Variants in DDAH1 observed in about 807,000 individuals in gnomAD.
DDAH1 encodes dimethylarginine dimethylaminohydrolase 1, also known as N(G),N(G)-dimethylarginine dimethylaminohydrolase 1.
DDAH1 carries 19 observed loss-of-function variants against 28.8 expected under a neutral mutation model. The observed-to-expected ratio is 0.66, with a 90% CI of 0.46 to 0.97. The LOEUF is 0.97. Ranked by LOEUF, DDAH1 falls within the 50% of genes least tolerant of loss-of-function variation. The pLI, the probability that DDAH1 is intolerant of heterozygous loss-of-function variation, is 0.00. For missense variants in DDAH1, 326 were observed against 375.9 expected (o/e 0.87, Z 1.10); for synonymous variants, 153 against 154.4 (o/e 0.99, Z 0.07).
chr1:85,496,321 G>A (rs1224874442), intron 1 of DDAH1: 2 of 449,934 alleles, frequency 4.4e-6, no homozygotes, highest in Non-Finnish European at 5.9e-6. Context: ...GAGGGGAAAG[G>A]CATTTTAATA....
At chr1:85,554,589 C>T (rs1658907242) in intron 1 of DDAH1, among the ~76,000 whole-genome samples, 1 of 152,150 alleles carries the variant, frequency 6.6e-6, no homozygotes, top group African/African-American at 2.4e-5. Flanking sequence ...AGAATAAAGT[C>T]AAGGATTTAT....
At chr1:85,413,522 C>A (rs989992710) in intron 1 of DDAH1, among the ~76,000 whole-genome samples, 3 of 152,208 alleles carry the variant, frequency 2.0e-5, no homozygotes, top group African/African-American at 7.2e-5. Context: ...AAATGTGGCA[C>A]TTCCTTCTCC....
chr1:85,528,875 G>A (rs1273095006), intron 1 of DDAH1, among the ~76,000 whole-genome samples: 1 of 151,220 alleles, frequency 6.6e-6, no homozygotes, highest in Admixed American at 6.6e-5. Flanking sequence ...TCAAGAGGCC[G>A]AGGCAGGAGA....
chr1:85,520,779 A>G (rs61785209), intron 1 of DDAH1, among the ~76,000 whole-genome samples: 2 of 152,242 alleles, frequency 1.3e-5, no homozygotes, highest in African/African-American at 4.8e-5. Context: ...TCCTTCTGAA[A>G]TTCTGAAGAG....
At chr1:85,366,023 A>G (rs968851909) in intron 1 of DDAH1, among the ~76,000 whole-genome samples, 9 of 152,066 alleles carry the variant, frequency 5.9e-5, no homozygotes, top group Non-Finnish European at 1.3e-4. Context: ...GTAAACATCC[A>G]TGTTGTGAAT....
chr1:85,548,237 A>C (rs1213783496), intron 1 of DDAH1, among the ~76,000 whole-genome samples: 1 of 152,190 alleles, frequency 6.6e-6, no homozygotes, highest in African/African-American at 2.4e-5. Flanking sequence ...AACATTATTG[A>C]ACATTTACAG....
At chr1:85,413,721 G>A (rs900746047) in intron 1 of DDAH1, among the ~76,000 whole-genome samples, 3 of 152,052 alleles carry the variant, frequency 2.0e-5, no homozygotes, top group East Asian at 1.9e-4. Context: ...AAAAACAATC[G>A]AAGTCAAGCC....
chr1:85,377,904 C>A (rs1187082045), intron 1 of DDAH1, among the ~76,000 whole-genome samples: 1 of 152,088 alleles, frequency 6.6e-6, no homozygotes, highest in Admixed American at 6.6e-5. Flanking sequence ...TGTATTTGAT[C>A]TCTAATTTCT....
intron 4 of DDAH1, among the ~76,000 whole-genome samples, chr1:85,330,964 G>A (rs1404503922): frequency 1.3e-5 from 2 of 152,162 alleles, no homozygotes; most frequent in Admixed American, 6.5e-5. Context: ...ACTCCTTAAC[G>A]AAGAAGGCAC....
intron 1 of DDAH1, among the ~76,000 whole-genome samples, chr1:85,397,981 A>G (rs147201024): frequency 7.0e-4 from 94 of 134,592 alleles, no homozygotes; most frequent in African/African-American, 2.6e-3. Flanking sequence ...CTGTAAGCCA[A>G]ATAAACCTCT....
At chr1:85,456,365 T>C (rs1417777837) in intron 1 of DDAH1, among the ~76,000 whole-genome samples, 11 of 152,272 alleles carry the variant, frequency 7.2e-5, no homozygotes, top group Admixed American at 5.9e-4. Context: ...ACATGGGTAA[T>C]GTACAGATGG....
At chr1:85,410,315 A>C (rs994175868) in intron 1 of DDAH1, among the ~76,000 whole-genome samples, 1 of 151,830 alleles carries the variant, frequency 6.6e-6, no homozygotes, top group African/African-American at 2.4e-5. Context: ...AAATTTCCTT[A>C]AAATGTAATA....
At chr1:85,343,113 A>G (rs746948521) in intron 4 of DDAH1, among the ~76,000 whole-genome samples, 14 of 152,204 alleles carry the variant, frequency 9.2e-5, no homozygotes, top group Non-Finnish European at 1.6e-4. Flanking sequence ...TTGATGGTCT[A>G]GTATATACTG....
chr1:85,427,828 T>C (rs1291746722), intron 1 of DDAH1, among the ~76,000 whole-genome samples: 4 of 151,984 alleles, frequency 2.6e-5, no homozygotes, highest in Admixed American at 2.0e-4. Context: ...AAACATGTTA[T>C]GTGTTTCCTA....
intron 1 of DDAH1, among the ~76,000 whole-genome samples, chr1:85,566,956 C>T (rs1383508214): frequency 3.9e-5 from 6 of 152,138 alleles, no homozygotes; most frequent in Admixed American, 3.9e-4. Context: ...AGGCTTGAAA[C>T]CTATGAAGAA....
At chr1:85,456,632 G>A (rs183444374) in intron 1 of DDAH1, among the ~76,000 whole-genome samples, 20 of 152,344 alleles carry the variant, frequency 1.3e-4, no homozygotes, top group East Asian at 7.7e-4. Flanking sequence ...GAGCTACAAC[G>A]TGCGGTAGGT....
intron 2 of DDAH1, among the ~76,000 whole-genome samples, chr1:85,476,868 A>C (rs1655822066): frequency 6.6e-6 from 1 of 152,164 alleles, no homozygotes; most frequent in Non-Finnish European, 1.5e-5. Context: ...CTTTTTTCTG[A>C]ATTAAAAACA....
intron 2 of DDAH1, among the ~76,000 whole-genome samples, chr1:85,480,963 C>T (rs770862725): frequency 6.6e-6 from 1 of 151,646 alleles, no homozygotes; most frequent in Non-Finnish European, 1.5e-5. Flanking sequence ...TAAAATGTAA[C>T]AGTAACTTTT....
chr1:85,442,598 C>T (rs1236085896), intron 1 of DDAH1, among the ~76,000 whole-genome samples: 4 of 152,186 alleles, frequency 2.6e-5, no homozygotes, highest in Non-Finnish European at 5.9e-5. Context: ...CTTGAGGAAT[C>T]ACCACACTAT....
Sources: allele counts gnomAD v4.1 joint callset (sites outside exome capture counted in the v4.1 genomes callset), GRCh38; gene constraint gnomAD v4.1.1; transcripts MANE v1.5; gene names NCBI Gene and HGNC (gene_info 2026-07-23, HGNC 2026-07-21).